ADCY2: variants seen among roughly 807,000 people sequenced by gnomAD.
ADCY2 encodes adenylate cyclase 2, also known as adenylate cyclase type 2.
Under a neutral mutation model 125.2 loss-of-function variants are expected in ADCY2, and 31 were observed. The observed-to-expected ratio is 0.25, with a 90% CI of 0.19 to 0.33. ADCY2 has a LOEUF of 0.33. Ranked by LOEUF, ADCY2 falls within the 10% of genes least tolerant of loss-of-function variation. The pLI is 1.00. For synonymous variants in ADCY2, 512 were observed against 548.4 expected (o/e 0.93, Z 0.93); for missense variants, 904 against 1,418.2 (o/e 0.64, Z 5.82).
rs573280118 is a variant in ADCY2 at position 7,458,081 on chromosome 5, A to G, written c.408+43311A>G. ...AGGTTTCTTGGTTTTACATGTCCTC[A>G]GGGATACTGGGGGAATGGTGGTATA... is the stretch of plus-strand genomic sequence containing the variant. On this transcript the variant is annotated intron_variant, in intron 2 of 24. Transcript: ENST00000338316. Among the ~76,000 whole-genome samples, 302 of 152,320 alleles carry G rather than the reference A, an allele frequency of 2.0e-3. 1 individual carries two copies. The highest frequency in any genetic ancestry group is 6.8e-3 in the African/African-American group (282 of 41,574).
intron 12 of ADCY2, 61 bp downstream of exon 12, chr5:7,717,298 T>C: frequency 1.6e-6 from 2 of 1,234,650 alleles, no homozygotes; most frequent in Non-Finnish European, 2.3e-6. Flanking sequence ...TTGTATTTTA[T>C]CATGGGCTCT....
At position 7,772,913 on chromosome 5, in the gene ADCY2, G is replaced by A; in HGVS notation, c.2215-19G>A. 6.2e-7 allele frequency: 1 copy of A among 1,612,192 alleles called. No homozygotes were observed. The highest frequency in any genetic ancestry group is 8.5e-7 in the Non-Finnish European group (1 of 1,178,572). On this transcript the variant is annotated intron_variant, in intron 17 of 24. Transcript: ENST00000338316. ...AGAAGAGATCCTAAGTATCTGTCTGGTGTCCTTCCCTGTTTCAGTACTTTA... is the reference window on the plus strand; with the variant it reads ...AGAAGAGATCCTAAGTATCTGTCTGATGTCCTTCCCTGTTTCAGTACTTTA...
Position 7,727,209 on chromosome 5 carries a change from G to T in ADCY2, c.1819G>T (p.Ala607Ser). Reference sequence around the variant, plus strand: ...AGCGTTCAAGTATTATGTGACTTGTGCCTGTCTCATATTCTTCTGCATCTT... The same window carrying T: ...AGCGTTCAAGTATTATGTGACTTGTTCCTGTCTCATATTCTTCTGCATCTT... ...LPAFKYYVTCACLIFFCIFIV... is the reference protein window; with the variant it reads ...LPAFKYYVTCSCLIFFCIFIV... Residue 607 changes from alanine (A) to serine (S), a missense_variant, in exon 14 of 25, where the codon GCC (alanine) becomes TCC (serine). Ala to Ser is a moderately conservative substitution (Grantham distance 99). Transcript: ENST00000338316. The T allele has an allele frequency of 6.2e-7, 1 of 1,614,162 alleles. No homozygotes were observed. Among genetic ancestry groups the T allele is most frequent in the Non-Finnish European group, 8.5e-7 (1 of 1,180,008 alleles).
intron 3 of ADCY2, among the ~76,000 whole-genome samples, chr5:7,587,189 C>T (rs866240576): frequency 3.3e-5 from 5 of 152,084 alleles, no homozygotes; most frequent in African/African-American, 1.2e-4. Flanking sequence ...GGACTAACTT[C>T]AACTCATCCC....
chr5:7,431,080 A>G (rs1050609401), intron 2 of ADCY2, among the ~76,000 whole-genome samples: 3 of 152,206 alleles, frequency 2.0e-5, no homozygotes, highest in Non-Finnish European at 4.4e-5. Flanking sequence ...ATGGAAATGC[A>G]AAATACCCCT....
intron 2 of ADCY2, 41 bp downstream of exon 2, chr5:7,414,811 G>C (rs1356224095): frequency 6.5e-7 from 1 of 1,533,048 alleles, no homozygotes; most frequent in Non-Finnish European, 8.8e-7. Flanking sequence ...TTTATGTCTT[G>C]ATTTGTGACA....
chr5:7,712,758 G>T, intron 10 of ADCY2, 98 bp from the exon 11 acceptor site: 1 of 828,416 alleles, frequency 1.2e-6, no homozygotes, highest in Admixed American at 2.2e-5. Flanking sequence ...AAATGTTACT[G>T]TCCATGATAA....
chr5:7,739,843 A>C (rs191870297), intron 14 of ADCY2, among the ~76,000 whole-genome samples: 7 of 152,108 alleles, frequency 4.6e-5, no homozygotes, highest in Non-Finnish European at 8.8e-5. Context: ...TCTTGAAAAG[A>C]CTATTTACCA....
intron 22 of ADCY2, among the ~76,000 whole-genome samples, chr5:7,810,334 T>C (rs981909550): frequency 6.6e-6 from 1 of 151,540 alleles, no homozygotes; most frequent in African/African-American, 2.4e-5. Flanking sequence ...GCTTGAATGG[T>C]GGGTTATCCA....
chr5:7,747,829 T>C (rs1003641679), intron 15 of ADCY2, among the ~76,000 whole-genome samples: 3 of 152,258 alleles, frequency 2.0e-5, no homozygotes, highest in African/African-American at 7.2e-5. Context: ...TTCATTGTAC[T>C]ACTTCAGGCA....
intron 22 of ADCY2, among the ~76,000 whole-genome samples, chr5:7,805,876 G>C (rs919573714): frequency 6.6e-6 from 1 of 152,202 alleles, no homozygotes; most frequent in African/African-American, 2.4e-5. Context: ...CAGTTAATTG[G>C]AGTGATATGT....
intron 2 of ADCY2, among the ~76,000 whole-genome samples, chr5:7,511,692 C>G (rs188155632): frequency 6.6e-6 from 1 of 151,984 alleles, no homozygotes; most frequent in South Asian, 2.1e-4. Context: ...GCTTGAATGA[C>G]AAGAAACAGC....
At chr5:7,446,804 A>G (rs1306830077) in intron 2 of ADCY2, among the ~76,000 whole-genome samples, 1 of 152,136 alleles carries the variant, frequency 6.6e-6, no homozygotes, top group Non-Finnish European at 1.5e-5. Flanking sequence ...TGCTTATTTT[A>G]AAAGGGGAGA....
intron 3 of ADCY2, among the ~76,000 whole-genome samples, chr5:7,563,404 C>T (rs1735787649): frequency 6.6e-6 from 1 of 152,200 alleles, no homozygotes; most frequent in South Asian, 2.1e-4. Context: ...TCCACAGAAG[C>T]TTCTGTGAGC....
Position 7,665,828 on chromosome 5 carries a change from C to CTTTTTTT in ADCY2, c.721-24841_721-24835dup, listed in dbSNP as rs70940750. On this transcript the variant is annotated intron_variant, in intron 4 of 24. Coordinates refer to ENST00000338316, the MANE Select transcript of ADCY2 (RefSeq NM_020546.3). ...TGTTTTGTTTTTTTTTAATTTAATT[C>CTTTTTTT]TTTTTTTTTTTTTTTTTTTTTTTTT... 1.2e-3 allele frequency among the ~76,000 whole-genome samples: 45 copies of CTTTTTTT among 38,632 alleles called. 14 individuals carry two copies. The highest frequency in any genetic ancestry group is 3.5e-3 in the African/African-American group (34 of 9,634). 25.3% of individuals were successfully genotyped at this position (38,632 alleles called of 152,430 possible).
At chr5:7,588,888 G>A (rs1225937105) in intron 3 of ADCY2, among the ~76,000 whole-genome samples, 3 of 152,100 alleles carry the variant, frequency 2.0e-5, no homozygotes, top group Admixed American at 1.3e-4. Flanking sequence ...CAAATAATAC[G>A]ACACGTAAGT....
chr5:7,608,830 C>T (rs1474917050), intron 3 of ADCY2, among the ~76,000 whole-genome samples: 1 of 152,102 alleles, frequency 6.6e-6, no homozygotes. Flanking sequence ...ACTCTGAAAG[C>T]CTAAAGTATG....
At chr5:7,661,415 A>G (rs1739526720) in intron 4 of ADCY2, among the ~76,000 whole-genome samples, 1 of 152,246 alleles carries the variant, frequency 6.6e-6, no homozygotes, top group Non-Finnish European at 1.5e-5. Flanking sequence ...CAAGACAAAC[A>G]GAAAACAGTG....
intron 2 of ADCY2, among the ~76,000 whole-genome samples, chr5:7,502,808 C>T (rs1317114956): frequency 6.6e-6 from 1 of 152,150 alleles, no homozygotes; most frequent in Non-Finnish European, 1.5e-5. Flanking sequence ...AGTAAAATCA[C>T]CCAGTGTCCT....
Sources: gnomAD v4.1 joint callset for allele counts (sites outside exome capture counted in the v4.1 genomes callset) on GRCh38, gnomAD v4.1.1 for gene constraint, MANE v1.5 for transcripts, NCBI Gene and HGNC (gene_info 2026-07-23, HGNC 2026-07-21) for gene names.